PTPRN2: variants seen among roughly 807,000 people sequenced by gnomAD.
The protein encoded by PTPRN2 is protein tyrosine phosphatase receptor type N2.
PTPRN2 carries 74 observed loss-of-function variants against 118.8 expected under a neutral mutation model. The observed-to-expected ratio is 0.62, with a 90% CI of 0.52 to 0.76. PTPRN2 has a LOEUF of 0.76. PTPRN2 is among the 30% of genes least tolerant of loss of function. The pLI is 0.00. For missense variants in PTPRN2, 1,481 were observed against 1,394.4 expected, an observed-to-expected ratio of 1.06 and a Z score of -0.99; for synonymous variants, 641 against 608.0, an observed-to-expected ratio of 1.05 and a Z score of -0.80.
chr7:158,098,770 A>C lies in PTPRN2; in HGVS notation c.1643+12059T>G, dbSNP rs185722099. On this transcript the variant is annotated intron_variant, in intron 10 of 22. Transcript: ENST00000389418. Reference sequence around the variant, plus strand: ...ACGCTCCTTATGGGAGAGGAGTGGGAGACATGAAGCAAAGCGTGACCACCG... The same window carrying C: ...ACGCTCCTTATGGGAGAGGAGTGGGCGACATGAAGCAAAGCGTGACCACCG... 8.3e-3 allele frequency among the ~76,000 whole-genome samples: 1,255 copies of C among 152,096 alleles called. 50 individuals carry two copies. The highest frequency in any genetic ancestry group is 0.057 in the Admixed American group (871 of 15,286).
At chr7:158,304,786 G>T (rs1447141847) in intron 3 of PTPRN2, among the ~76,000 whole-genome samples, 1 of 152,194 alleles carries the variant, frequency 6.6e-6, no homozygotes, top group African/African-American at 2.4e-5. Flanking sequence ...CCTCCAGGTT[G>T]CAGGCTTCAG....
chr7:157,924,666 C>G (rs927082374), intron 11 of PTPRN2, among the ~76,000 whole-genome samples: 30 of 152,264 alleles, frequency 2.0e-4, no homozygotes, highest in African/African-American at 7.2e-4. Context: ...AAGTCCGCTG[C>G]AGGTGGATTA....
chr7:157,943,006 T>C (rs919763468), intron 11 of PTPRN2, among the ~76,000 whole-genome samples: 1 of 152,284 alleles, frequency 6.6e-6, no homozygotes, highest in Admixed American at 6.5e-5. Context: ...AGCTCTGTGA[T>C]GGGCAGCAGG....
At chr7:157,621,089 G>T (rs12672418) in intron 15 of PTPRN2, among the ~76,000 whole-genome samples, 12,125 of 85,824 alleles carry the variant, frequency 0.14, 725 homozygotes, top group Middle Eastern at 0.22. Flanking sequence ...CTGCCCCCGG[G>T]GCTGGTATGT....
At chr7:158,332,525 G>C (rs1369896529) in intron 2 of PTPRN2, among the ~76,000 whole-genome samples, 4 of 148,840 alleles carry the variant, frequency 2.7e-5, no homozygotes, top group South Asian at 2.1e-4. Flanking sequence ...GAGGCACAAA[G>C]AGGTCACTCA....
chr7:157,621,615 C>T lies in PTPRN2; in HGVS notation c.2197-106G>A, dbSNP rs1249891499. On this transcript the variant is annotated intron_variant, in intron 14 of 22. Coordinates refer to ENST00000389418, the MANE Select transcript of PTPRN2 (RefSeq NM_002847.5). ...TTGCACTCGCCGCGTGGGCCATGCCCACCTTGCTCACGAGCCTGGGCCATG... is the reference window on the plus strand; with the variant it reads ...TTGCACTCGCCGCGTGGGCCATGCCTACCTTGCTCACGAGCCTGGGCCATG... The T allele has an allele frequency of 8.5e-6, 12 of 1,415,070 alleles. No individual in the cohort carries two copies. The East Asian group carries it at 1.6e-4, about 19-fold the overall frequency. 87.7% of individuals were successfully genotyped at this position (1,415,070 alleles called of 1,614,324 possible). A position where few individuals can be genotyped will look rare whatever the true frequency, so the allele number is the denominator to read the frequency against.
rs140538499 is a variant in PTPRN2 at position 158,133,838 on chromosome 7, G to A, written c.1395C>T (p.Pro465=). 14 of 1,613,854 alleles carry A rather than the reference G, an allele frequency of 8.7e-6. No homozygotes were observed. The highest frequency in any genetic ancestry group is 2.7e-5 in the African/African-American group (2 of 74,932). ...GGAGCTCCCCAAACGCAGCGGCCCCGGGCTCCGAATGCGGCTGCTGCCCCA... is the reference window on the plus strand; with the variant it reads ...GGAGCTCCCCAAACGCAGCGGCCCCAGGCTCCGAATGCGGCTGCTGCCCCA... ...DLLGQQPHSE[P]GAAAFGELQN... Residue 465 remains proline (P), a synonymous_variant, in exon 9 of 23, where the codon CCC becomes CCT. Coordinates refer to ENST00000389418, the MANE Select transcript of PTPRN2 (RefSeq NM_002847.5).
chr7:158,471,112 T>C (rs145904357), intron 2 of PTPRN2, among the ~76,000 whole-genome samples: 174 of 152,346 alleles, frequency 1.1e-3, no homozygotes, highest in African/African-American at 3.8e-3. Flanking sequence ...ATTGCACTCC[T>C]GTCCAACCTC....
intron 11 of PTPRN2, among the ~76,000 whole-genome samples, chr7:158,001,862 A>C (rs948854839): frequency 1.7e-4 from 26 of 152,134 alleles, no homozygotes; most frequent in African/African-American, 5.6e-4. Flanking sequence ...GTGCTCAGTA[A>C]ACTATGGGGT....
rs550057409 is a variant in PTPRN2, at chr7:157,552,605, G to A, written c.2903-3586C>T. On this transcript the variant is annotated intron_variant, in intron 21 of 22. Transcript: ENST00000389418. ...CATACGCTGCTGGGTTTGGAAACCG[G>A]GTTCTAATACACAAAATGTATTACA... Among the ~76,000 whole-genome samples, 6 of 152,236 alleles carry A rather than the reference G, an allele frequency of 3.9e-5. No individual in the cohort carries two copies. The East Asian group carries it at 1.2e-3, about 29-fold the overall frequency.
rs1357110724 is a variant in PTPRN2, at chr7:157,861,420, C to A, written c.1788+37253G>T. On this transcript the variant is annotated intron_variant, in intron 12 of 22. Coordinates refer to ENST00000389418, the MANE Select transcript of PTPRN2 (RefSeq NM_002847.5). This position sits in a 1 kb window ranked among gnomAD's most constrained non-coding sequence, Gnocchi z 5.8. Reference sequence around the variant, plus strand: ...GCTTCTGTGTTTTGCCGTCGAGGTGCAACATGCAGCTGGTGATGCCCTGTG... The same window carrying A: ...GCTTCTGTGTTTTGCCGTCGAGGTGAAACATGCAGCTGGTGATGCCCTGTG... Among the ~76,000 whole-genome samples the A allele has an allele frequency of 6.6e-6, 1 of 152,222 alleles. No homozygotes were observed. Among genetic ancestry groups the A allele is most frequent in the Admixed American group, 6.5e-5 (1 of 15,286 alleles).
At chr7:158,300,554 A>ACAGCGCCTTGCCCGCCACCCAGTCCCG (rs1800814283) in intron 3 of PTPRN2, among the ~76,000 whole-genome samples, 3 of 146,630 alleles carry the variant, frequency 2.0e-5, no homozygotes, top group East Asian at 2.0e-4. Context: ...CTGCACGCCC[A>ACAGCGCCTTGCCCGCCACCCAGTCCCG]CAGCGCCTCG....
chr7:158,333,615 G>C (rs1459454125), intron 2 of PTPRN2, among the ~76,000 whole-genome samples: 1 of 150,448 alleles, frequency 6.6e-6, no homozygotes, highest in Non-Finnish European at 1.5e-5. Flanking sequence ...CTCACTATAA[G>C]AGGTGACACC....
chr7:158,312,280 A>AAC lies in PTPRN2; in HGVS notation c.277+4538_277+4539insGT, dbSNP rs1563120056. 2.1e-5 allele frequency among the ~76,000 whole-genome samples: 3 copies of AAC among 141,544 alleles called. No homozygotes were observed. The East Asian group carries it at 6.6e-4, about 31-fold the overall frequency. 92.9% of individuals were successfully genotyped at this position (141,544 alleles called of 152,430 possible). A position where few individuals can be genotyped will look rare whatever the true frequency, so the allele number is the denominator to read the frequency against. ...CGCACTCACGTGCTCACATGTAGAC[A>AAC]CGCACACATGCACACACATGTGCTC... On this transcript the variant is annotated intron_variant, in intron 3 of 22. Transcript: ENST00000389418.
At chr7:158,181,420 C>T (rs1824694631) in intron 5 of PTPRN2, among the ~76,000 whole-genome samples, 1 of 152,094 alleles carries the variant, frequency 6.6e-6, no homozygotes, top group African/African-American at 2.4e-5. Context: ...TATTTTATCC[C>T]TGATTTTAGT....
intron 12 of PTPRN2, among the ~76,000 whole-genome samples, chr7:157,724,324 C>G (rs1799409579): frequency 6.6e-6 from 1 of 152,182 alleles, no homozygotes; most frequent in South Asian, 2.1e-4. Flanking sequence ...ACAAATAAAA[C>G]AGGAATTACG....
At chr7:158,506,654 T>A (rs1290019883) in intron 1 of PTPRN2, among the ~76,000 whole-genome samples, 1 of 151,910 alleles carries the variant, frequency 6.6e-6, no homozygotes, top group African/African-American at 2.4e-5. Flanking sequence ...GGTGTGATGA[T>A]GGTGACAGCC....
At chr7:158,488,497 A>C (rs1281207166) in intron 2 of PTPRN2, among the ~76,000 whole-genome samples, 1 of 152,124 alleles carries the variant, frequency 6.6e-6, no homozygotes, top group Non-Finnish European at 1.5e-5. Context: ...CAGCCCCAAA[A>C]TTCCATCCGG....
chr7:158,145,684 G>A (rs1026829808), intron 6 of PTPRN2, among the ~76,000 whole-genome samples: 2 of 152,236 alleles, frequency 1.3e-5, no homozygotes, highest in African/African-American at 2.4e-5. Flanking sequence ...GCAGCTGCCT[G>A]CACACTTTCT....
Sources: allele counts gnomAD v4.1 joint callset (sites outside exome capture counted in the v4.1 genomes callset), GRCh38; gene constraint gnomAD v4.1.1; non-coding constraint Gnocchi (gnomAD v3.1); transcripts MANE v1.5; gene names NCBI Gene and HGNC (gene_info 2026-07-23, HGNC 2026-07-21).